The following ZNF385B variants were observed in gnomAD, a reference collection of about 807,000 sequenced individuals.
The protein encoded by ZNF385B is zinc finger protein 533.
In ZNF385B, 23 loss-of-function variants were observed where a neutral mutation model predicts 39.2. The observed-to-expected ratio is 0.59, with a 90% confidence interval of 0.42 to 0.83. The LOEUF (loss-of-function observed/expected upper bound fraction) is 0.83. Ranked by LOEUF, ZNF385B falls within the 40% of genes least tolerant of loss-of-function variation. The pLI is 0.00. For synonymous variants in ZNF385B, 205 were observed against 222.6 expected, an observed-to-expected ratio of 0.92 and a Z score of 0.70; for missense variants, 552 against 598.9, an observed-to-expected ratio of 0.92 and a Z score of 0.82.
chr2:179,492,756 A>G (rs2105659454), intron 5 of ZNF385B, among the ~76,000 whole-genome samples: 1 of 152,276 alleles, frequency 6.6e-6, no homozygotes, highest in Non-Finnish European at 1.5e-5. Context: ...AACCTAGAAG[A>G]TATCTTATAA....
chr2:179,664,931 T>G (rs534365502), intron 3 of ZNF385B, among the ~76,000 whole-genome samples: 7 of 152,276 alleles, frequency 4.6e-5, no homozygotes, highest in African/African-American at 1.7e-4. Context: ...AAACCCTCAT[T>G]TAAAAAATGA....
intron 4 of ZNF385B, among the ~76,000 whole-genome samples, chr2:179,524,468 C>A (rs942336248): frequency 7.4e-6 from 1 of 135,974 alleles, no homozygotes; most frequent in Non-Finnish European, 1.5e-5. Context: ...AGGAGAATGA[C>A]GTGAACCTGG....
intron 3 of ZNF385B, among the ~76,000 whole-genome samples, chr2:179,750,691 C>A (rs2106467828): frequency 6.6e-6 from 1 of 152,100 alleles, no homozygotes; most frequent in African/African-American, 2.4e-5. Context: ...AATAATTATT[C>A]TATGAAACGA....
intron 6 of ZNF385B, among the ~76,000 whole-genome samples, chr2:179,456,919 C>T (rs1009145162): frequency 1.3e-4 from 20 of 151,952 alleles, no homozygotes; most frequent in African/African-American, 4.1e-4. Context: ...CTTTTAATTG[C>T]GATATAGCAT....
rs1326387378 is a variant in ZNF385B, at chr2:179,443,050, T to C, written c.*200A>G. 1.5e-6 allele frequency: 1 copy of C among 657,858 alleles called. No individual in the cohort carries two copies. The highest frequency in any genetic ancestry group is 2.7e-6 in the Non-Finnish European group (1 of 372,964). 40.8% of individuals were successfully genotyped at this position (657,858 alleles called of 1,614,324 possible). Reference sequence around the variant, plus strand: ...GGGAGATAAAGCCTATGCTGCTGATTCCTCAATTATAGGAGCAGTCTCTAA... The same window carrying C: ...GGGAGATAAAGCCTATGCTGCTGATCCCTCAATTATAGGAGCAGTCTCTAA... On this transcript the variant is annotated 3_prime_UTR_variant, in exon 10 of 10. Transcript: ENST00000410066.
intron 6 of ZNF385B, among the ~76,000 whole-genome samples, chr2:179,476,981 A>G (rs2053506072): frequency 6.6e-6 from 1 of 152,214 alleles, no homozygotes; most frequent in African/African-American, 2.4e-5. Context: ...TTTTCTATAA[A>G]TGACAGATGC....
intron 5 of ZNF385B, among the ~76,000 whole-genome samples, chr2:179,488,745 A>T (rs979330039): frequency 1.3e-5 from 2 of 152,198 alleles, no homozygotes; most frequent in African/African-American, 4.8e-5. Context: ...AAGCAGTGTT[A>T]TAAGGGAAAT....
intron 1 of ZNF385B, chr2:179,796,263 G>C (rs940307770): frequency 2.6e-5 from 4 of 152,056 alleles, no homozygotes; most frequent in Non-Finnish European, 4.4e-5. Context: ...TTGAATTTTC[G>C]CCTTTTAAAA....
At chr2:179,596,959 CT>C (rs779708463) in intron 3 of ZNF385B, among the ~76,000 whole-genome samples, 3 of 152,182 alleles carry the variant, frequency 2.0e-5, no homozygotes, top group Non-Finnish European at 2.9e-5. Context: ...CACAGGTTCT[CT>C]TTTCCACATA....
chr2:179,665,042 T>A (rs982645965), intron 3 of ZNF385B, among the ~76,000 whole-genome samples: 4 of 152,304 alleles, frequency 2.6e-5, no homozygotes, highest in African/African-American at 9.6e-5. Context: ...AACTTTATAG[T>A]AAGTAAATCT....
At chr2:179,709,984 T>C (rs943625584) in intron 3 of ZNF385B, among the ~76,000 whole-genome samples, 1 of 152,214 alleles carries the variant, frequency 6.6e-6, no homozygotes, top group African/African-American at 2.4e-5. Flanking sequence ...GCTCACACTT[T>C]ACCAGACACA....
chr2:179,494,703 G>C (rs2056009733), intron 5 of ZNF385B, among the ~76,000 whole-genome samples: 1 of 151,410 alleles, frequency 6.6e-6, no homozygotes, highest in Non-Finnish European at 1.5e-5. Context: ...GCAACCAGTT[G>C]TTATCACTTT....
chr2:179,798,677 C>T (rs986470476), intron 1 of ZNF385B, among the ~76,000 whole-genome samples: 2 of 152,112 alleles, frequency 1.3e-5, no homozygotes, highest in Non-Finnish European at 2.9e-5. Flanking sequence ...ATTCTTTTTA[C>T]CTTTTATTTT....
chr2:179,838,103 T>C (rs1708349853), intron 1 of ZNF385B, among the ~76,000 whole-genome samples: 1 of 152,216 alleles, frequency 6.6e-6, no homozygotes, highest in Non-Finnish European at 1.5e-5. Context: ...AAAAAAAGTC[T>C]TTCACTCTGG....
intron 1 of ZNF385B, among the ~76,000 whole-genome samples, chr2:179,842,703 C>T (rs1010479989): frequency 6.6e-6 from 1 of 152,130 alleles, no homozygotes; most frequent in Non-Finnish European, 1.5e-5. Context: ...ACCCCTCCCT[C>T]CAGCTGTTCA....
At chr2:179,812,143 G>T (rs559518258) in intron 1 of ZNF385B, among the ~76,000 whole-genome samples, 1 of 152,188 alleles carries the variant, frequency 6.6e-6, no homozygotes, top group East Asian at 1.9e-4. Flanking sequence ...AAAACCAACA[G>T]GTGCAGGCGG....
In ZNF385B at chr2:179,796,875, G is replaced by T. The variant is rs1206720176; in HGVS notation, c.-154-26203C>A. On this transcript the variant is annotated intron_variant, in intron 1 of 9. Transcript: ENST00000410066. ...AGCACCCTCTACCAGCTGTGTCTTG[G>T]TTAAAGACATTTAATCTCTCGGAAT... Among the ~76,000 whole-genome samples, 3 of 152,232 alleles carry T rather than the reference G, an allele frequency of 2.0e-5. No homozygotes were observed. The East Asian group carries it at 5.8e-4, about 29-fold the overall frequency.
intron 3 of ZNF385B, among the ~76,000 whole-genome samples, chr2:179,715,198 T>G (rs1377058576): frequency 7.0e-6 from 1 of 142,448 alleles, no homozygotes; most frequent in Non-Finnish European, 1.6e-5. Context: ...TGATAACAGC[T>G]CATGCCAAAT....
chr2:179,564,015 G>A (rs188841561), intron 3 of ZNF385B, among the ~76,000 whole-genome samples: 27 of 152,192 alleles, frequency 1.8e-4, no homozygotes, highest in Admixed American at 3.9e-4. Context: ...CTCTTTATTT[G>A]TACGTCTCAC....
Sources: gnomAD v4.1 joint callset for allele counts (sites outside exome capture counted in the v4.1 genomes callset) on GRCh38, gnomAD v4.1.1 for gene constraint, MANE v1.5 for transcripts, NCBI Gene and HGNC (gene_info 2026-07-23, HGNC 2026-07-21) for gene names.